RNF24: variants seen among roughly 807,000 people sequenced by gnomAD.
RNF24 encodes ring finger protein 24.
In RNF24, 14 loss-of-function variants were observed where a neutral mutation model predicts 20.0. That is an observed-to-expected ratio of 0.70 (90% CI 0.46 to 1.10). The LOEUF (loss-of-function observed/expected upper bound fraction) is 1.10. RNF24 is among the 50% of genes least tolerant of loss of function. RNF24 has a pLI of 0.00. For missense variants in RNF24, 124 were observed against 177.6 expected (o/e 0.70, Z 1.71); for synonymous variants, 45 against 61.1 (o/e 0.74, Z 1.23).
In RNF24 at chr20:3,932,881, G is replaced by A. The variant is rs1600612172; in HGVS notation, c.*1182C>T. 3 of 398,366 alleles carry A rather than the reference G, an allele frequency of 7.5e-6. No homozygotes were observed. The highest frequency in any genetic ancestry group is 4.4e-5 in the Admixed American group (1 of 22,694). 24.7% of individuals were successfully genotyped at this position (398,366 alleles called of 1,614,324 possible). A position where few individuals can be genotyped will look rare whatever the true frequency, so the allele number is the denominator to read the frequency against. Reference sequence around the variant, plus strand: ...CAGAAAGAGCCAAAGAGCAGCATGCGTTTCTCTCCTATAAAGACACTTTCA... The same window carrying A: ...CAGAAAGAGCCAAAGAGCAGCATGCATTTCTCTCCTATAAAGACACTTTCA... On this transcript the variant is annotated 3_prime_UTR_variant, in exon 6 of 6. Transcript: ENST00000358395.
intron 1 of RNF24, among the ~76,000 whole-genome samples, chr20:3,981,346 T>C (rs1305377228): frequency 6.6e-6 from 1 of 152,112 alleles, no homozygotes; most frequent in African/African-American, 2.4e-5. Flanking sequence ...CTCTTTTATT[T>C]GCATAGTTTT....
At chr20:3,978,131 G>A (rs567056516) in intron 1 of RNF24, among the ~76,000 whole-genome samples, 5 of 150,432 alleles carry the variant, frequency 3.3e-5, no homozygotes, top group African/African-American at 4.9e-5. Flanking sequence ...GTGCAGTGGC[G>A]TGATCTCGGC....
intron 1 of RNF24, among the ~76,000 whole-genome samples, chr20:3,973,709 T>C (rs999764941): frequency 7.9e-5 from 12 of 152,070 alleles, no homozygotes; most frequent in African/African-American, 2.9e-4. Flanking sequence ...AAATAGATAA[T>C]GTGAACAGTT....
intron 1 of RNF24, among the ~76,000 whole-genome samples, chr20:3,988,787 G>T (rs1210964141): frequency 6.6e-6 from 1 of 152,022 alleles, no homozygotes; most frequent in Non-Finnish European, 1.5e-5. Flanking sequence ...AAATATTTTG[G>T]ATAATAGATT....
At chr20:3,977,047 G>A (rs1978925627) in intron 1 of RNF24, among the ~76,000 whole-genome samples, 1 of 152,090 alleles carries the variant, frequency 6.6e-6, no homozygotes, top group East Asian at 1.9e-4. Flanking sequence ...CAGGTCTGAT[G>A]GAAAAGAACT....
intron 1 of RNF24, among the ~76,000 whole-genome samples, chr20:3,990,822 G>A (rs1336925216): frequency 6.6e-6 from 1 of 151,934 alleles, no homozygotes; most frequent in Non-Finnish European, 1.5e-5. Context: ...ACTACAGCAA[G>A]CTATGATCAC....
intron 4 of RNF24, among the ~76,000 whole-genome samples, chr20:3,938,998 T>C (rs1195828988): frequency 6.6e-6 from 1 of 150,684 alleles, no homozygotes; most frequent in Non-Finnish European, 1.5e-5. Flanking sequence ...AGCAATCTTC[T>C]CGTCTTGGCC....
At chr20:3,949,371 C>A (rs2091055735) in intron 2 of RNF24, among the ~76,000 whole-genome samples, 1 of 146,716 alleles carries the variant, frequency 6.8e-6, no homozygotes, top group Admixed American at 6.8e-5. Context: ...CATAGTGAGA[C>A]TTTGTCTTGA....
At chr20:3,962,595 CT>C (rs1224941365) in intron 2 of RNF24, among the ~76,000 whole-genome samples, 1 of 151,796 alleles carries the variant, frequency 6.6e-6, no homozygotes, top group Non-Finnish European at 1.5e-5. Flanking sequence ...AGTGGCAGTA[CT>C]TTTTTTGGGA....
At chr20:3,983,649 A>G (rs920636770) in intron 1 of RNF24, among the ~76,000 whole-genome samples, 2 of 152,136 alleles carry the variant, frequency 1.3e-5, no homozygotes, top group Admixed American at 6.5e-5. Context: ...TAATTATAAA[A>G]ATACATATCA....
chr20:3,955,433 A>G (rs1042637155), intron 2 of RNF24, among the ~76,000 whole-genome samples: 4 of 152,126 alleles, frequency 2.6e-5, no homozygotes, highest in Non-Finnish European at 1.5e-5. Flanking sequence ...TTGCATATCA[A>G]TTTGTCATAG....
intron 2 of RNF24, among the ~76,000 whole-genome samples, chr20:3,962,531 A>G (rs764861175): frequency 6.6e-6 from 1 of 151,374 alleles, no homozygotes; most frequent in Non-Finnish European, 1.5e-5. Flanking sequence ...CAAATAGACA[A>G]ACACAAATGC....
intron 2 of RNF24, among the ~76,000 whole-genome samples, chr20:3,958,243 T>G (rs2091164325): frequency 6.6e-6 from 1 of 152,212 alleles, no homozygotes; most frequent in South Asian, 2.1e-4. Context: ...TGATTTATTC[T>G]TTCTTATAAA....
intron 4 of RNF24, 21 bp from the exon 5 acceptor site, chr20:3,935,094 T>C (rs1302295491): frequency 6.2e-7 from 1 of 1,609,862 alleles, no homozygotes; most frequent in East Asian, 2.2e-5. Flanking sequence ...AATGCACAAA[T>C]GAAGCCAAGT....
At chr20:4,008,336 ATATATTATACATG>A (rs1982055869) in intron 1 of RNF24, among the ~76,000 whole-genome samples, 2 of 90,466 alleles carry the variant, frequency 2.2e-5, no homozygotes, top group African/African-American at 4.8e-5. Context: ...TATATAATAT[ATATATTATACATG>A]TAATATGTAT....
chr20:3,987,019 T>C (rs1164737237), intron 1 of RNF24, among the ~76,000 whole-genome samples: 1 of 152,216 alleles, frequency 6.6e-6, no homozygotes, highest in East Asian at 1.9e-4. Context: ...GGGATCCTCT[T>C]ACCCTGGCTT....
intron 2 of RNF24, among the ~76,000 whole-genome samples, chr20:3,962,400 TAATA>T (rs2091211876): frequency 1.3e-5 from 2 of 152,146 alleles, no homozygotes; most frequent in Non-Finnish European, 2.9e-5. Context: ...CCATTGGTAA[TAATA>T]AATGTGTTTA....
At chr20:3,968,501 C>G in intron 1 of RNF24, among the ~76,000 whole-genome samples, 1 of 152,044 alleles carries the variant, frequency 6.6e-6, no homozygotes, top group Non-Finnish European at 1.5e-5. Context: ...GCTTGTAGTA[C>G]TAGTTACTCT....
rs987766240 is a variant in RNF24 at position 4,015,522 on chromosome 20, C to G, written c.-93G>C. 2 of 150,906 alleles carry G rather than the reference C, an allele frequency of 1.3e-5. No individual in the cohort carries two copies. Among genetic ancestry groups the G allele is most frequent in the African/African-American group, 2.4e-5 (1 of 41,248 alleles). 9.3% of individuals were successfully genotyped at this position (150,906 alleles called of 1,614,324 possible). ...AGGCTGCGGGCGGCGAGCGTCCGTC[C>G]GGACAGAGCGCGGCGGAGGTGGCGG... On this transcript the variant is annotated 5_prime_UTR_variant, in exon 1 of 6. Transcript: ENST00000358395.
Sources: allele counts gnomAD v4.1 joint callset (sites outside exome capture counted in the v4.1 genomes callset), GRCh38; gene constraint gnomAD v4.1.1; transcripts MANE v1.5; gene names NCBI Gene and HGNC (gene_info 2026-07-23, HGNC 2026-07-21).